Variants in COL6A5 observed in about 807,000 individuals in gnomAD.
COL6A5 encodes the protein collagen type VI alpha 5 chain, also known as collagen alpha-5(VI) chain.
Under a neutral mutation model 65.6 loss-of-function variants are expected in COL6A5, and 48 were observed. The ratio of observed to expected loss-of-function variants is 0.73; its 90% CI spans 0.58 to 0.93. The LOEUF (loss-of-function observed/expected upper bound fraction) is 0.93. Among genes scored for constraint, COL6A5 ranks in the 40% least tolerant of loss-of-function variants. COL6A5 has a pLI of 0.00. For missense variants in COL6A5, 914 were observed against 928.3 expected, an observed-to-expected ratio of 0.98 and a Z score of 0.20; for synonymous variants, 291 against 322.8, an observed-to-expected ratio of 0.90 and a Z score of 1.05.
chr3:130,477,197 T>C, intron 7 of COL6A5: 3 of 803,536 alleles, frequency 3.7e-6, no homozygotes, highest in Non-Finnish European at 5.9e-6. Context: ...ATCTCTGAGT[T>C]GTTGAAAAGT....
At chr3:130,376,962 A>G (rs1314315533) in intron 3 of COL6A5, 126 bp downstream of exon 3, 9 of 1,047,042 alleles carry the variant, frequency 8.6e-6, no homozygotes, top group Non-Finnish European at 1.2e-5. Flanking sequence ...AAACTTCTAC[A>G]CATCATACCT....
intron 20 of COL6A5, among the ~76,000 whole-genome samples, chr3:130,412,226 T>A (rs1399543263): frequency 6.6e-6 from 1 of 152,190 alleles, no homozygotes; most frequent in Non-Finnish European, 1.5e-5. Context: ...CAAATATTAA[T>A]TCATTTAATC....
At chr3:130,456,625 A>G (rs1447097489) in intron 5 of COL6A5, among the ~76,000 whole-genome samples, 1 of 152,116 alleles carries the variant, frequency 6.6e-6, no homozygotes, top group Non-Finnish European at 1.5e-5. Context: ...AATTAAAAAT[A>G]TATGTATTTT....
chr3:130,363,281 C>T (rs1025668163), intron 1 of COL6A5, among the ~76,000 whole-genome samples: 5 of 152,148 alleles, frequency 3.3e-5, no homozygotes, highest in Non-Finnish European at 5.9e-5. Context: ...CTTATAATAA[C>T]AAAATAATTC....
chr3:130,393,116 C>T (rs1936461665), intron 7 of COL6A5, among the ~76,000 whole-genome samples: 1 of 149,612 alleles, frequency 6.7e-6, no homozygotes, highest in Admixed American at 6.7e-5. Context: ...TTCTTGGAGG[C>T]CTCCCTGTGC....
intron 7 of COL6A5, among the ~76,000 whole-genome samples, chr3:130,472,832 C>CACATATATATATATATAT (rs1553760928): frequency 2.8e-4 from 28 of 99,392 alleles, no homozygotes; most frequent in African/African-American, 1.1e-3. Flanking sequence ...TGTGTGTATA[C>CACATATATATATATATAT]ATATATATAT....
At chr3:130,403,662 TGTAA>T in intron 13 of COL6A5, 1 of 1,550,512 alleles carries the variant, frequency 6.4e-7, no homozygotes, top group South Asian at 1.2e-5. Flanking sequence ...ATGGAAACCC[TGTAA>T]GTTTTTATTA....
At chr3:130,400,287 T>G (rs761308775) in intron 10 of COL6A5, among the ~76,000 whole-genome samples, 18 of 152,220 alleles carry the variant, frequency 1.2e-4, no homozygotes, top group Non-Finnish European at 2.5e-4. Context: ...GGAACCCTGA[T>G]GTTTCTCAGA....
At chr3:130,358,674 C>G (rs1935007871) in intron 1 of COL6A5, among the ~76,000 whole-genome samples, 1 of 152,148 alleles carries the variant, frequency 6.6e-6, no homozygotes, top group Non-Finnish European at 1.5e-5. Flanking sequence ...GATTCCAAAA[C>G]TTCAAAAGTA....
rs1936416899 is a variant in COL6A5, at chr3:130,391,900, G to A, written c.2992+146G>A. On this transcript the variant is annotated intron_variant and NMD_transcript_variant, in intron 7 of 41. Coordinates refer to the COL6A5 transcript ENST00000312481. ...GCTATCAGTTTTCTCATCTCTAAAA[G>A]AAATGGGTTGATTGAACAAGATCCC... is the stretch of plus-strand genomic sequence containing the variant. 7.3e-6 allele frequency: 5 copies of A among 685,122 alleles called. No individual in the cohort carries two copies. In the East Asian group the frequency reaches 1.4e-4, roughly 19 times the overall value. 42.4% of individuals were successfully genotyped at this position (685,122 alleles called of 1,614,324 possible).
At chr3:130,479,892 A>G (rs925861054) in intron 7 of COL6A5, among the ~76,000 whole-genome samples, 23 of 152,124 alleles carry the variant, frequency 1.5e-4, no homozygotes, top group African/African-American at 5.5e-4. Context: ...GATAAATTTG[A>G]TAAAGCACTT....
chr3:130,388,730 AGTTCAGT>A (rs777053967), exon 6 of COL6A5: 1 of 1,551,420 alleles, frequency 6.4e-7, no homozygotes, highest in South Asian at 1.2e-5. Context: ...GGTGTTGTTC[AGTTCAGT>A]GATAAAACTA....
chr3:130,409,832 A>G (rs941136295), intron 18 of COL6A5, among the ~76,000 whole-genome samples, 177 bp from the exon 19 acceptor site: 22 of 152,180 alleles, frequency 1.4e-4, no homozygotes, highest in Non-Finnish European at 2.6e-4. Flanking sequence ...ATCTTCTTCA[A>G]ACTTGAGGAA....
exon 7 of COL6A5, chr3:130,391,661 A>G (rs1577460139): frequency 1.3e-6 from 2 of 1,551,560 alleles, no homozygotes; most frequent in Admixed American, 2.0e-5. Context: ...TATGGCAGGG[A>G]ATAAAAACAA....
rs751904259 is a variant in COL6A5, at chr3:130,376,524, A to G, written c.355A>G (p.Arg119Gly). ...AGGAAAGGCTCTTCAGGAGGCTCAT[A>G]GGACCTACTTCTCTGCACCCATAAA... The change falls in exon 3 of 42, where the codon AGG (arginine) becomes GGG (glycine). Residue 119 changes from arginine to glycine, a missense_variant and NMD_transcript_variant. Arg to Gly is a moderately radical substitution (Grantham distance 125, BLOSUM62 -2). Transcript: ENST00000312481. 5 of 1,605,924 alleles carry G rather than the reference A, an allele frequency of 3.1e-6. No homozygotes were observed. In the South Asian group the frequency reaches 4.4e-5, roughly 14 times the overall value.
exon 8 of COL6A5, chr3:130,394,894 T>C: frequency 6.5e-7 from 1 of 1,548,502 alleles, no homozygotes; most frequent in Non-Finnish European, 8.7e-7. Flanking sequence ...TTGCAGTCTG[T>C]CATCTTCAGG....
At chr3:130,379,366 C>T (rs1202421948) in intron 3 of COL6A5, 52 bp from the exon 4 acceptor site, 2 of 1,451,344 alleles carry the variant, frequency 1.4e-6, no homozygotes, top group Admixed American at 5.0e-5. Context: ...GTACCTTTTT[C>T]TCTCCGGGCC....
intron 5 of COL6A5, among the ~76,000 whole-genome samples, chr3:130,458,539 C>G (rs941055937): frequency 1.2e-4 from 18 of 152,216 alleles, no homozygotes; most frequent in South Asian, 1.0e-3. Context: ...TAACAAGCAG[C>G]TCAGGTGATT....
chr3:130,443,544 A>C, exon 4 of COL6A5: 2 of 1,609,684 alleles, frequency 1.2e-6, no homozygotes, highest in Non-Finnish European at 1.7e-6. Flanking sequence ...AGGAGGAGAG[A>C]ATATTCAAAA....
Sources: gnomAD v4.1 joint callset for allele counts (sites outside exome capture counted in the v4.1 genomes callset) on GRCh38, gnomAD v4.1.1 for gene constraint, MANE v1.5 for transcripts, NCBI Gene and HGNC (gene_info 2026-07-23, HGNC 2026-07-21) for gene names.